Variants in PCP4L1 observed in about 807,000 individuals in gnomAD.
The protein encoded by PCP4L1 is Purkinje cell protein 4 like 1.
PCP4L1 carries 9 observed loss-of-function variants against 9.6 expected under a neutral mutation model. That is an observed-to-expected ratio of 0.94 (90% CI 0.57 to 1.64). The LOEUF (loss-of-function observed/expected upper bound fraction) is 1.64. PCP4L1 is among the 40% of genes most tolerant of loss of function. The pLI, the probability that PCP4L1 is intolerant of heterozygous loss-of-function variation, is 0.00. For synonymous variants in PCP4L1, 31 were observed against 28.2 expected (o/e 1.10, Z -0.31); for missense variants, 81 against 80.8 (o/e 1.00, Z -0.01).
At chr1:161,272,565 A>AT (rs951558411) in intron 1 of PCP4L1, among the ~76,000 whole-genome samples, 5 of 151,292 alleles carry the variant, frequency 3.3e-5, no homozygotes, top group African/African-American at 1.2e-4. Context: ...TCTCAAAAAA[A>AT]AAAAAAAAAA....
At chr1:161,269,573 T>C (rs1020973870) in intron 1 of PCP4L1, among the ~76,000 whole-genome samples, 1 of 152,156 alleles carries the variant, frequency 6.6e-6, no homozygotes, top group Admixed American at 6.6e-5. Flanking sequence ...TAGGAATTAA[T>C]GATACAAAAA....
chr1:161,258,989 C>T lies in PCP4L1; in HGVS notation c.9+6C>T, dbSNP rs1300221138. 2.6e-6 allele frequency: 4 copies of T among 1,532,276 alleles called. No individual in the cohort carries two copies. Among genetic ancestry groups the T allele is most frequent in the Non-Finnish European group, 3.5e-6 (4 of 1,145,158 alleles). 94.9% of individuals were successfully genotyped at this position (1,532,276 alleles called of 1,614,324 possible). A position where few individuals can be genotyped will look rare whatever the true frequency, so the allele number is the denominator to read the frequency against. ...CGGCTGCGGAGATGAGCGAGGTGAG[C>T]GGTGCGGCCCCCGGCGCTGTCGGCA... On this transcript the variant is annotated splice_donor_region_variant and intron_variant, in intron 1 of 2. Transcript: ENST00000504449.
In PCP4L1 at chr1:161,276,395, C is replaced by T. The variant is rs1424735178; in HGVS notation, c.10-7273C>T. On this transcript the variant is annotated intron_variant, in intron 1 of 2. Transcript: ENST00000504449. Reference sequence around the variant, plus strand: ...TCTTCCAGATTTTAAAATGAAAATACATATGGGCCTGGCGTGGTGGCTTGT... The same window carrying T: ...TCTTCCAGATTTTAAAATGAAAATATATATGGGCCTGGCGTGGTGGCTTGT... 2.0e-5 allele frequency among the ~76,000 whole-genome samples: 3 copies of T among 152,016 alleles called. No homozygotes were observed. The East Asian group carries it at 5.8e-4, about 29-fold the overall frequency.
At chr1:161,267,151 G>C (rs1222873775) in intron 1 of PCP4L1, among the ~76,000 whole-genome samples, 1 of 152,194 alleles carries the variant, frequency 6.6e-6, no homozygotes, top group East Asian at 1.9e-4. Context: ...TTAAAGGCTA[G>C]AATTTAGGAT....
intron 1 of PCP4L1, among the ~76,000 whole-genome samples, chr1:161,265,569 C>T (rs1314300281): frequency 6.6e-6 from 1 of 151,842 alleles, no homozygotes; most frequent in African/African-American, 2.4e-5. Context: ...GAGAAGAATG[C>T]ATTAGGCTGG....
chr1:161,259,041 C>T, intron 1 of PCP4L1, 58 bp downstream of exon 1: 2 of 1,518,680 alleles, frequency 1.3e-6, no homozygotes, highest in Middle Eastern at 2.3e-4. Context: ...GGTGCTGCGG[C>T]TCGGGATCCC....
At chr1:161,283,473 G>C (rs1669856972) in intron 1 of PCP4L1, among the ~76,000 whole-genome samples, 195 bp from the exon 2 acceptor site, 1 of 152,132 alleles carries the variant, frequency 6.6e-6, no homozygotes, top group African/African-American at 2.4e-5. Flanking sequence ...ACACTTTCTA[G>C]CATCAGTAAA....
Position 161,284,644 on chromosome 1 carries a change from G to C in PCP4L1, c.*163G>C, listed in dbSNP as rs1227550568. ...CCCCTCAAGCCATCACAGAAGTAGA[G>C]GCACAAGAGAGGTGGAGAAGATGAA... On this transcript the variant is annotated 3_prime_UTR_variant, in exon 3 of 3. Coordinates refer to ENST00000504449, the MANE Select transcript of PCP4L1 (RefSeq NM_001102566.2). 1.1e-6 allele frequency: 1 copy of C among 910,666 alleles called. No homozygotes were observed. The highest frequency in any genetic ancestry group is 1.6e-6 in the Non-Finnish European group (1 of 607,818). 56.4% of individuals were successfully genotyped at this position (910,666 alleles called of 1,614,324 possible).
intron 1 of PCP4L1, among the ~76,000 whole-genome samples, chr1:161,259,511 A>G (rs1669383285): frequency 6.6e-6 from 1 of 152,140 alleles, no homozygotes; most frequent in Non-Finnish European, 1.5e-5. Context: ...GTGTTCCGGT[A>G]TTTAGAAGCC....
At chr1:161,269,213 G>C (rs1481390106) in intron 1 of PCP4L1, among the ~76,000 whole-genome samples, 1 of 152,036 alleles carries the variant, frequency 6.6e-6, no homozygotes, top group Non-Finnish European at 1.5e-5. Context: ...AACATGGACT[G>C]TGCTTCAAAG....
At chr1:161,282,819 C>T (rs1235462097) in intron 1 of PCP4L1, among the ~76,000 whole-genome samples, 1 of 152,068 alleles carries the variant, frequency 6.6e-6, no homozygotes, top group Admixed American at 6.6e-5. Context: ...TGCCATCTTT[C>T]GAATCAACAA....
chr1:161,273,433 C>G (rs114427841), intron 1 of PCP4L1, among the ~76,000 whole-genome samples: 1 of 151,968 alleles, frequency 6.6e-6, no homozygotes, highest in Admixed American at 6.6e-5. Flanking sequence ...TCAAAACAAA[C>G]AAACAAACAA....
chr1:161,274,365 C>CA (rs750736190), intron 1 of PCP4L1, among the ~76,000 whole-genome samples: 477 of 145,546 alleles, frequency 3.3e-3, no homozygotes, highest in African/African-American at 5.5e-3. Context: ...AACTCTGTCT[C>CA]AAAAAAAAGA....
chr1:161,269,221 A>G (rs1346353056), intron 1 of PCP4L1, among the ~76,000 whole-genome samples: 1 of 151,818 alleles, frequency 6.6e-6, no homozygotes, highest in African/African-American at 2.4e-5. Context: ...CTGTGCTTCA[A>G]AGGAAATAAA....
chr1:161,282,192 C>G (rs1166368897), intron 1 of PCP4L1, among the ~76,000 whole-genome samples: 2 of 151,430 alleles, frequency 1.3e-5, no homozygotes, highest in African/African-American at 4.8e-5. Flanking sequence ...GGAGACCAGC[C>G]CGACCAACAC....
intron 1 of PCP4L1, 142 bp from the exon 2 acceptor site, chr1:161,283,526 A>G: frequency 1.4e-6 from 1 of 706,986 alleles, no homozygotes; most frequent in South Asian, 2.1e-5. Flanking sequence ...CTGGTCTCTG[A>G]TCTCAAGACT....
intron 1 of PCP4L1, among the ~76,000 whole-genome samples, chr1:161,277,919 G>A (rs970148148): frequency 2.4e-4 from 36 of 152,110 alleles, no homozygotes; most frequent in African/African-American, 8.5e-4. Flanking sequence ...ACATTTCTAC[G>A]TCTGCCACCT....
intron 1 of PCP4L1, among the ~76,000 whole-genome samples, chr1:161,267,954 C>A (rs1409033781): frequency 1.3e-5 from 2 of 152,166 alleles, no homozygotes; most frequent in Non-Finnish European, 2.9e-5. Flanking sequence ...CTCAGGTGAT[C>A]CCCCTGCCTT....
chr1:161,272,540 A>G (rs1669640386), intron 1 of PCP4L1, among the ~76,000 whole-genome samples: 1 of 150,500 alleles, frequency 6.6e-6, no homozygotes, highest in Admixed American at 6.6e-5. Context: ...CCTGGGCAAC[A>G]AAAGCGAAAC....
Sources: gnomAD v4.1 joint callset for allele counts (sites outside exome capture counted in the v4.1 genomes callset) on GRCh38, gnomAD v4.1.1 for gene constraint, MANE v1.5 for transcripts, NCBI Gene and HGNC (gene_info 2026-07-23, HGNC 2026-07-21) for gene names.